Variants in LRP5 observed in about 807,000 individuals in gnomAD.
LRP5 encodes the protein low-density lipoprotein receptor-related protein 5.
LRP5 carries 62 observed loss-of-function variants against 154.1 expected under a neutral mutation model. The ratio of observed to expected loss-of-function variants is 0.40; its 90% CI spans 0.33 to 0.50. The LOEUF is 0.50. LRP5 is among the 20% of genes least tolerant of loss of function. The pLI is 0.55. For missense variants in LRP5, 1,915 were observed against 2,336.7 expected (o/e 0.82, Z 3.72); for synonymous variants, 966 against 1,011.5 (o/e 0.96, Z 0.85).
chr11:68,312,010 C>T (rs995455935), upstream of LRP5, among the ~76,000 whole-genome samples: 4 of 152,378 alleles, frequency 2.6e-5, no homozygotes, highest in Non-Finnish European at 4.4e-5. Flanking sequence ...GGGAGCCTGG[C>T]GGGACTTTCT....
chr11:68,385,008 C>T (rs2098642227), intron 5 of LRP5, among the ~76,000 whole-genome samples: 1 of 152,212 alleles, frequency 6.6e-6, no homozygotes. Flanking sequence ...GCCGGTTGTA[C>T]GCTGTCAGGT....
intron 9 of LRP5, among the ~76,000 whole-genome samples, chr11:68,409,639 G>A (rs1374846797): frequency 6.6e-6 from 1 of 151,986 alleles, no homozygotes; most frequent in African/African-American, 2.4e-5. Context: ...CTGAGGTCTG[G>A]ATTTCGAGAC....
At chr11:68,414,700 G>A (rs911231082) in intron 12 of LRP5, among the ~76,000 whole-genome samples, 1 of 152,232 alleles carries the variant, frequency 6.6e-6, no homozygotes, top group African/African-American at 2.4e-5. Context: ...CGCAGAACTT[G>A]ATAGTTTATA....
intron 21 of LRP5, among the ~76,000 whole-genome samples, chr11:68,440,407 G>A (rs977002646): frequency 1.3e-5 from 2 of 152,226 alleles, no homozygotes; most frequent in African/African-American, 4.8e-5. Flanking sequence ...TTTTGGCAGG[G>A]TGAGGGGCTG....
chr11:68,372,998 A>G (rs1184527446), intron 5 of LRP5, among the ~76,000 whole-genome samples: 11 of 151,880 alleles, frequency 7.2e-5, no homozygotes, highest in Non-Finnish European at 1.2e-4. Context: ...CACCCACTCC[A>G]CCAGAAGAAA....
In LRP5 at chr11:68,413,892, C is replaced by T. The variant is rs766376965; in HGVS notation, c.2707C>T (p.Leu903Phe). The T allele has an allele frequency of 3.7e-6, 6 of 1,612,922 alleles. No individual in the cohort carries two copies. The Admixed American group carries it at 6.7e-5, about 18-fold the overall frequency. ...LVFHSSRQDG[L>F]NDCMHNNGQC... is the part of the protein sequence containing the mutation. ...GTTCCACTCCTCCCGCCAGGATGGC[C>T]TCAATGACTGTATGCACAACAACGG... The change falls in exon 12 of 23, where the codon CTC becomes TTC. Residue 903 changes from leucine (L) to phenylalanine (F), a missense_variant. Leu to Phe is a conservative substitution (Grantham distance 22). Coordinates refer to ENST00000294304, the MANE Select transcript of LRP5 (RefSeq NM_002335.4). The surrounding 1 kb of genome is among the most constrained non-coding windows in gnomAD (Gnocchi z 5.1).
Position 68,365,568 on chromosome 11 carries a change from C to T in LRP5, c.884-3C>T, listed in dbSNP as rs753477377. 6 of 1,613,966 alleles carry T rather than the reference C, an allele frequency of 3.7e-6. No individual in the cohort carries two copies. The highest frequency in any genetic ancestry group is 1.3e-5 in the African/African-American group (1 of 75,014). ...TTCTCTCACTCTGTCCTGGTTTTCT[C>T]AGTCCACACTCGCTGTGAGGAGGAC... On this transcript the variant is annotated splice_polypyrimidine_tract_variant and splice_region_variant and intron_variant, in intron 4 of 22. Transcript: ENST00000294304.
At chr11:68,366,902 G>A (rs575456001) in intron 5 of LRP5, among the ~76,000 whole-genome samples, 177 of 145,192 alleles carry the variant, frequency 1.2e-3, no homozygotes, top group Non-Finnish European at 2.0e-3. Context: ...GGCATTTGTC[G>A]AACACTTGCC....
At chr11:68,389,253 CCGA>C (rs2098644867) in intron 6 of LRP5, among the ~76,000 whole-genome samples, 1 of 19,058 alleles carries the variant, frequency 5.2e-5, no homozygotes, top group Non-Finnish European at 1.2e-4. Flanking sequence ...TCTACCAACA[CCGA>C]CATTTACCAA....
intron 16 of LRP5, among the ~76,000 whole-genome samples, chr11:68,426,938 A>G (rs2098669109): frequency 1.3e-5 from 2 of 152,050 alleles, no homozygotes; most frequent in South Asian, 4.1e-4. Flanking sequence ...TTGGTCGGGG[A>G]CCACTCTCAG....
At chr11:68,448,683 G>A in intron 22 of LRP5, 126 bp from the exon 23 acceptor site, 1 of 1,223,998 alleles carries the variant, frequency 8.2e-7, no homozygotes, top group Non-Finnish European at 1.2e-6. Flanking sequence ...TGGGTCCAGA[G>A]TCCGGCCTGC....
chr11:68,434,599 C>T (rs1395933397), intron 18 of LRP5, among the ~76,000 whole-genome samples: 2 of 152,254 alleles, frequency 1.3e-5, no homozygotes, highest in African/African-American at 4.8e-5. Flanking sequence ...AGGCTGGTCT[C>T]GAACTCCTGA....
intron 6 of LRP5, among the ~76,000 whole-genome samples, chr11:68,389,072 CACT>C (rs2098644625): frequency 6.6e-6 from 1 of 152,196 alleles, no homozygotes; most frequent in Non-Finnish European, 1.5e-5. Context: ...CATTTACCAA[CACT>C]ATTTACCAAC....
chr11:68,322,060 C>T (rs1054346720), intron 1 of LRP5, among the ~76,000 whole-genome samples: 3 of 152,216 alleles, frequency 2.0e-5, no homozygotes, highest in African/African-American at 4.8e-5. Context: ...CTTGCTTCTG[C>T]GGGTAAAGGC....
At chr11:68,333,768 C>T (rs1565323636) in intron 1 of LRP5, among the ~76,000 whole-genome samples, 2 of 152,114 alleles carry the variant, frequency 1.3e-5, no homozygotes, top group African/African-American at 2.4e-5. Flanking sequence ...AAACATAATA[C>T]AACTTTACAG....
rs749099040 is a variant in LRP5, at chr11:68,404,356, C to T, written c.1801+657C>T. On this transcript the variant is annotated intron_variant, in intron 8 of 22. Coordinates refer to ENST00000294304, the MANE Select transcript of LRP5 (RefSeq NM_002335.4). ...GTCAGAGGCACTCAGTCAATCTTTG[C>T]TGATGAAGGATGAGAGGACAGAGGA... 9 of 526,664 alleles carry T rather than the reference C, an allele frequency of 1.7e-5. No homozygotes were observed. In the East Asian group the frequency reaches 2.8e-4, roughly 17 times the overall value. The allele number at this position is 526,664 out of a possible 1,614,324, so 32.6% of individuals were successfully genotyped here.
intron 1 of LRP5, among the ~76,000 whole-genome samples, chr11:68,336,101 T>G (rs982170868): frequency 1.3e-5 from 2 of 152,164 alleles, no homozygotes; most frequent in African/African-American, 4.8e-5. Context: ...AGAGCCCAGG[T>G]CTGGGTTTCT....
chr11:68,326,451 G>A lies in LRP5; in HGVS notation c.91+13646G>A, dbSNP rs543816355. On this transcript the variant is annotated intron_variant, in intron 1 of 22. Coordinates refer to ENST00000294304, the MANE Select transcript of LRP5 (RefSeq NM_002335.4). ...ACTCAGCTTCACTGCTGAAGGCAGG[G>A]CCAGCCTGGGCACCAGGTTCTTCCC... is the stretch of plus-strand genomic sequence containing the variant. Among the ~76,000 whole-genome samples the A allele has an allele frequency of 5.3e-5, 8 of 152,346 alleles. No individual in the cohort carries two copies. In the East Asian group the frequency reaches 1.5e-3, roughly 29 times the overall value.
intron 13 of LRP5, among the ~76,000 whole-genome samples, chr11:68,418,883 T>C (rs2098664011): frequency 6.6e-6 from 1 of 152,336 alleles, no homozygotes; most frequent in Non-Finnish European, 1.5e-5. Context: ...GTGGCTCCCA[T>C]GCTGAGAAAG....
Sources: allele counts gnomAD v4.1 joint callset (sites outside exome capture counted in the v4.1 genomes callset), GRCh38; gene constraint gnomAD v4.1.1; non-coding constraint Gnocchi (gnomAD v3.1); transcripts MANE v1.5; gene names NCBI Gene and HGNC (gene_info 2026-07-23, HGNC 2026-07-21).